Variants in NWD2 observed in about 807,000 individuals in gnomAD.
NWD2 encodes the protein NACHT and WD repeat domain containing 2, also known as NACHT and WD repeat domain-containing protein 2.
Under a neutral mutation model 132.7 loss-of-function variants are expected in NWD2, and 37 were observed. The observed-to-expected ratio is 0.28, with a 90% CI of 0.21 to 0.37. NWD2 has a LOEUF of 0.37. Among genes scored for constraint, NWD2 ranks in the 10% least tolerant of loss-of-function variants. NWD2 has a pLI of 1.00. For synonymous variants in NWD2, 705 were observed against 803.0 expected, an observed-to-expected ratio of 0.88 and a Z score of 2.06; for missense variants, 1,592 against 2,122.4, an observed-to-expected ratio of 0.75 and a Z score of 4.91.
intron 1 of NWD2, among the ~76,000 whole-genome samples, chr4:37,297,244 A>C (rs1718514095): frequency 6.6e-6 from 1 of 152,104 alleles, no homozygotes; most frequent in Non-Finnish European, 1.5e-5. Context: ...TATAACCTAC[A>C]CATCTTCTTC....
intron 2 of NWD2, among the ~76,000 whole-genome samples, chr4:37,336,629 C>T (rs1270055491): frequency 6.6e-6 from 1 of 152,148 alleles, no homozygotes; most frequent in African/African-American, 2.4e-5. Flanking sequence ...AATTAAAAAT[C>T]CAGAAAATGA....
intron 5 of NWD2, among the ~76,000 whole-genome samples, chr4:37,435,431 C>T (rs1712296263): frequency 6.6e-6 from 1 of 152,134 alleles, no homozygotes; most frequent in Non-Finnish European, 1.5e-5. Context: ...CCTGAAAATA[C>T]CACAATCGTC....
chr4:37,434,258 C>T (rs954460927), intron 5 of NWD2, among the ~76,000 whole-genome samples: 10 of 152,130 alleles, frequency 6.6e-5, no homozygotes, highest in South Asian at 2.1e-4. Context: ...GAGGTGGCCC[C>T]GGATATAATT....
At chr4:37,291,282 T>A (rs1718354984) in intron 1 of NWD2, among the ~76,000 whole-genome samples, 1 of 152,198 alleles carries the variant, frequency 6.6e-6, no homozygotes, top group South Asian at 2.1e-4. Flanking sequence ...ATCTAAGGAT[T>A]GCTGTGGGAC....
chr4:37,439,753 G>A lies in NWD2; in HGVS notation c.1296+363G>A, dbSNP rs562736635. 1.1e-4 allele frequency among the ~76,000 whole-genome samples: 17 copies of A among 152,262 alleles called. No homozygotes were observed. The highest frequency in any genetic ancestry group is 2.2e-4 in the Non-Finnish European group (15 of 68,026). ...ACTCCAGTCTGCTAAATCAGTCTCC[G>A]TTCAGTAATGAGTATGTCCAGGCTA... On this transcript the variant is annotated intron_variant, in intron 6 of 6. Coordinates refer to ENST00000309447, the MANE Select transcript of NWD2 (RefSeq NM_001144990.2). This position sits in a 1 kb window ranked among gnomAD's most constrained non-coding sequence, Gnocchi z 4.5.
chr4:37,320,506 G>C (rs1009525160), intron 1 of NWD2, among the ~76,000 whole-genome samples: 3 of 152,064 alleles, frequency 2.0e-5, no homozygotes, highest in African/African-American at 7.2e-5. Flanking sequence ...GTTGAGAGAA[G>C]GTGAGTGAAA....
At chr4:37,404,937 C>T (rs980704552) in intron 3 of NWD2, among the ~76,000 whole-genome samples, 15 of 152,144 alleles carry the variant, frequency 9.9e-5, no homozygotes, top group East Asian at 1.9e-4. Context: ...CATGAGAGAG[C>T]GCCTTTCTGA....
chr4:37,359,544 A>G (rs1719938921), intron 3 of NWD2, among the ~76,000 whole-genome samples: 1 of 152,110 alleles, frequency 6.6e-6, no homozygotes, highest in Non-Finnish European at 1.5e-5. Context: ...AGAGCTTAAC[A>G]TAATACTTCC....
At position 37,446,444 on chromosome 4, in the gene NWD2, T is replaced by C; in HGVS notation, c.4456T>C (p.Leu1486=). The change falls in exon 7 of 7, where the codon TTA becomes CTA. Residue 1486 remains leucine (L), a synonymous_variant. Coordinates refer to ENST00000309447, the MANE Select transcript of NWD2 (RefSeq NM_001144990.2). The surrounding 1 kb of genome is among the most constrained non-coding windows in gnomAD (Gnocchi z 6.7). The part of the protein sequence containing the change: ...EDGTTIVNFK[L]IPDCPDIIVF... ...TGGGACCACCATCGTGAATTTTAAA[T>C]TAATCCCTGACTGTCCTGATATCAT... 6.4e-7 allele frequency: 1 copy of C among 1,551,766 alleles called. No individual in the cohort carries two copies. Among genetic ancestry groups the C allele is most frequent in the Non-Finnish European group, 8.7e-7 (1 of 1,147,020 alleles).
At chr4:37,348,675 T>TATACACACACACACAC (rs1308407988) in intron 2 of NWD2, among the ~76,000 whole-genome samples, 20 of 22,574 alleles carry the variant, frequency 8.9e-4, no homozygotes, top group African/African-American at 3.6e-3. Flanking sequence ...TATATATATA[T>TATACACACACACACAC]ACACACACAC....
At chr4:37,297,918 C>G (rs1718528888) in intron 1 of NWD2, among the ~76,000 whole-genome samples, 1 of 152,040 alleles carries the variant, frequency 6.6e-6, no homozygotes, top group South Asian at 2.1e-4. Context: ...TTCCAAGATT[C>G]TCTACCACAA....
intron 1 of NWD2, among the ~76,000 whole-genome samples, chr4:37,279,026 G>A (rs1332411821): frequency 6.6e-6 from 1 of 151,906 alleles, no homozygotes; most frequent in African/African-American, 2.4e-5. Flanking sequence ...AGAATGCAAA[G>A]AAAGAATAAA....
At chr4:37,295,199 G>C (rs547156144) in intron 1 of NWD2, among the ~76,000 whole-genome samples, 5 of 152,124 alleles carry the variant, frequency 3.3e-5, no homozygotes, top group African/African-American at 4.8e-5. Flanking sequence ...TTTTGTCAGA[G>C]TGTGTTGGTG....
At chr4:37,316,829 T>C (rs529166641) in intron 1 of NWD2, among the ~76,000 whole-genome samples, 3 of 152,176 alleles carry the variant, frequency 2.0e-5, no homozygotes, top group Non-Finnish European at 4.4e-5. Flanking sequence ...TTCTTAAACA[T>C]TGGATATTTT....
chr4:37,304,949 G>C (rs932364369), intron 1 of NWD2, among the ~76,000 whole-genome samples: 1 of 152,212 alleles, frequency 6.6e-6, no homozygotes, highest in African/African-American at 2.4e-5. Flanking sequence ...CACTGCCCTA[G>C]TAGAGGTTCT....
chr4:37,344,558 G>T (rs1454093779), intron 2 of NWD2, among the ~76,000 whole-genome samples: 1 of 152,110 alleles, frequency 6.6e-6, no homozygotes, highest in Non-Finnish European at 1.5e-5. Flanking sequence ...GCGAATAAAT[G>T]ATGTGATACT....
At chr4:37,274,700 A>G (rs6818164) in intron 1 of NWD2, among the ~76,000 whole-genome samples, 128,331 of 151,242 alleles carry the variant, frequency 0.85, 55,034 homozygotes, top group African/African-American at 0.95. Flanking sequence ...CTGGCAAACC[A>G]AATCCAGCAG....
intron 1 of NWD2, among the ~76,000 whole-genome samples, chr4:37,317,186 A>G (rs1396103096): frequency 2.6e-5 from 4 of 152,182 alleles, no homozygotes; most frequent in African/African-American, 7.2e-5. Flanking sequence ...ATTTAAAGCT[A>G]TTACAGCTTC....
intron 3 of NWD2, among the ~76,000 whole-genome samples, chr4:37,420,625 G>A (rs1711780589): frequency 6.6e-6 from 1 of 152,218 alleles, no homozygotes; most frequent in South Asian, 2.1e-4. Flanking sequence ...GGAGGTTGCA[G>A]TGAGCTGAGA....
Sources: gnomAD v4.1 joint callset for allele counts (sites outside exome capture counted in the v4.1 genomes callset) on GRCh38, gnomAD v4.1.1 for gene constraint, Gnocchi (gnomAD v3.1) non-coding constraint, MANE v1.5 for transcripts, NCBI Gene and HGNC (gene_info 2026-07-23, HGNC 2026-07-21) for gene names.